Variants in PPM1H observed in about 807,000 individuals in gnomAD.
PPM1H encodes protein phosphatase, Mg2+/Mn2+ dependent 1H, also known as protein phosphatase 1H.
PPM1H carries 27 observed loss-of-function variants against 54.9 expected under a neutral mutation model. The ratio of observed to expected loss-of-function variants is 0.49; its 90% CI spans 0.36 to 0.68. The LOEUF (loss-of-function observed/expected upper bound fraction) is 0.68, where lower values mean the gene tolerates loss of function less well. Among genes scored for constraint, PPM1H ranks in the 30% least tolerant of loss-of-function variants. The pLI is 0.00. For synonymous variants in PPM1H, 305 were observed against 270.8 expected (o/e 1.13, Z -1.24); for missense variants, 596 against 667.8 (o/e 0.89, Z 1.19).
intron 1 of PPM1H, among the ~76,000 whole-genome samples, chr12:62,860,844 G>A (rs575713697): frequency 2.6e-5 from 4 of 152,292 alleles, no homozygotes; most frequent in African/African-American, 9.6e-5. Flanking sequence ...GAAACAATGG[G>A]GTTGTTGGAT....
At chr12:62,758,811 G>C (rs2120602235) in intron 4 of PPM1H, among the ~76,000 whole-genome samples, 1 of 152,280 alleles carries the variant, frequency 6.6e-6, no homozygotes, top group Admixed American at 6.5e-5. Context: ...CATATTCCCT[G>C]TGACCTGCAC....
chr12:62,792,253 G>GA (rs957761101), intron 3 of PPM1H, among the ~76,000 whole-genome samples: 1 of 152,120 alleles, frequency 6.6e-6, no homozygotes, highest in African/African-American at 2.4e-5. Flanking sequence ...AACTTTGGGG[G>GA]AAACATTCCA....
rs1555200469 is a variant in PPM1H, at chr12:62,839,884, A to AAAAAAAAAAAAAAC, written c.246-7606_246-7605insGTTTTTTTTTTTTT. Among the ~76,000 whole-genome samples, 620 of 150,178 alleles carry AAAAAAAAAAAAAAC rather than the reference A, an allele frequency of 4.1e-3. 5 individuals carry two copies. Among genetic ancestry groups the AAAAAAAAAAAAAAC allele is most frequent in the African/African-American group, 0.014 (580 of 40,064 alleles). ...GTGATCCTGTTTCTACAAAAAAAAA[A>AAAAAAAAAAAAAAC]AAAAAACACCCAGTGTGGTGGCACG... On this transcript the variant is annotated intron_variant, in intron 1 of 9. Transcript: ENST00000228705.
chr12:62,934,467 GCGC>G lies in PPM1H; in HGVS notation c.245+22_245+24del, dbSNP rs1044538757. 3 of 1,522,090 alleles carry G rather than the reference GCGC, an allele frequency of 2.0e-6. No homozygotes were observed. In the Admixed American group the frequency reaches 6.1e-5, roughly 31 times the overall value. 94.3% of individuals were successfully genotyped at this position (1,522,090 alleles called of 1,614,324 possible). Reference sequence around the variant, plus strand: ...GGGAAGGGCCGCGAGGAGAGCAGGGGCGCCGCCGGTGTCGCTGCACTCACTCTG... The same window carrying G: ...GGGAAGGGCCGCGAGGAGAGCAGGGGCGCCGGTGTCGCTGCACTCACTCTG... On this transcript the variant is annotated intron_variant, in intron 1 of 9. Coordinates refer to ENST00000228705, the MANE Select transcript of PPM1H (RefSeq NM_020700.2). The surrounding 1 kb of genome is among the most constrained non-coding windows in gnomAD (Gnocchi z 4.2).
intron 6 of PPM1H, among the ~76,000 whole-genome samples, chr12:62,716,562 T>G (rs1247376424): frequency 6.6e-6 from 1 of 152,184 alleles, no homozygotes; most frequent in Non-Finnish European, 1.5e-5. Flanking sequence ...TTCAGAAGAA[T>G]GGGTTCCAGG....
intron 3 of PPM1H, 129 bp from the exon 4 acceptor site, chr12:62,788,467 C>A: frequency 1.6e-6 from 1 of 609,224 alleles, no homozygotes. Flanking sequence ...ATCTTTAGTG[C>A]TTGCTTTCCT....
rs1278669824 is a variant in PPM1H, at chr12:62,844,828, C to T, written c.246-12549G>A. ...GAATAATGACGGTGTTCTAAGCCTGCCTATATATTTCTTAAAGCTTACAAT... is the reference window on the plus strand; with the variant it reads ...GAATAATGACGGTGTTCTAAGCCTGTCTATATATTTCTTAAAGCTTACAAT... On this transcript the variant is annotated intron_variant, in intron 1 of 9. Coordinates refer to ENST00000228705, the MANE Select transcript of PPM1H (RefSeq NM_020700.2). The surrounding 1 kb of genome is among the most constrained non-coding windows in gnomAD (Gnocchi z 5.2). Among the ~76,000 whole-genome samples, 1 of 152,298 alleles carries T rather than the reference C, an allele frequency of 6.6e-6. No individual in the cohort carries two copies. The highest frequency in any genetic ancestry group is 1.5e-5 in the Non-Finnish European group (1 of 68,024).
chr12:62,816,377 C>CA (rs1419617545), intron 2 of PPM1H, among the ~76,000 whole-genome samples: 2 of 152,212 alleles, frequency 1.3e-5, no homozygotes, highest in Non-Finnish European at 1.5e-5. Context: ...CGTGACATCA[C>CA]AAGTGGAGAA....
At chr12:62,860,954 C>T (rs192594665) in intron 1 of PPM1H, among the ~76,000 whole-genome samples, 69 of 152,286 alleles carry the variant, frequency 4.5e-4, no homozygotes, top group African/African-American at 1.6e-3. Flanking sequence ...GCATCATCTT[C>T]CTTAACACTC....
At chr12:62,724,197 G>A (rs2076277736) in intron 5 of PPM1H, among the ~76,000 whole-genome samples, 1 of 152,110 alleles carries the variant, frequency 6.6e-6, no homozygotes, top group Admixed American at 6.5e-5. Context: ...CTGTTTCCTT[G>A]GGGCTTTCTG....
chr12:62,693,857 A>ACGGACTG (rs1383693123), intron 7 of PPM1H, 79 bp downstream of exon 7: 1 of 1,294,590 alleles, frequency 7.7e-7, no homozygotes, highest in Non-Finnish European at 1.1e-6. Flanking sequence ...AGTGGAACAC[A>ACGGACTG]CGGACTGCCA....
At chr12:62,923,593 G>T (rs574412527) in intron 1 of PPM1H, among the ~76,000 whole-genome samples, 3 of 152,254 alleles carry the variant, frequency 2.0e-5, no homozygotes, top group African/African-American at 7.2e-5. Flanking sequence ...GTAGTGACGA[G>T]GTTTCACCAC....
At chr12:62,872,988 C>A (rs1205595914) in intron 1 of PPM1H, among the ~76,000 whole-genome samples, 1 of 152,148 alleles carries the variant, frequency 6.6e-6, no homozygotes, top group Non-Finnish European at 1.5e-5. Context: ...CCATAACAAC[C>A]CTTTAAGACT....
At chr12:62,738,993 G>T (rs1233619033) in intron 4 of PPM1H, among the ~76,000 whole-genome samples, 1 of 151,824 alleles carries the variant, frequency 6.6e-6, no homozygotes, top group Admixed American at 6.6e-5. Flanking sequence ...GTCGGGGCGG[G>T]GGCGGCGGAG....
At chr12:62,774,298 G>C (rs2076596708) in intron 4 of PPM1H, among the ~76,000 whole-genome samples, 1 of 152,108 alleles carries the variant, frequency 6.6e-6, no homozygotes, top group South Asian at 2.1e-4. Context: ...TTTTTCCATT[G>C]CTGTCTCAAT....
chr12:62,867,573 T>TC (rs1388201100), intron 1 of PPM1H, among the ~76,000 whole-genome samples: 1 of 103,912 alleles, frequency 9.6e-6, no homozygotes, highest in Non-Finnish European at 1.9e-5. Context: ...TATTTTTTTT[T>TC]TTTTTTTTTT....
chr12:62,702,554 G>C (rs1475317664), intron 6 of PPM1H, among the ~76,000 whole-genome samples: 1 of 151,406 alleles, frequency 6.6e-6, no homozygotes, highest in East Asian at 1.9e-4. Context: ...CAGAGAGAGA[G>C]AGAGAGAGAG....
chr12:62,707,053 GTTTT>G (rs1270310773), intron 6 of PPM1H, among the ~76,000 whole-genome samples: 1 of 152,176 alleles, frequency 6.6e-6, no homozygotes, highest in Non-Finnish European at 1.5e-5. Flanking sequence ...TAGGTGCCCA[GTTTT>G]CTATAGGGTG....
intron 1 of PPM1H, among the ~76,000 whole-genome samples, chr12:62,850,476 A>ATAC (rs1176153185): frequency 6.6e-6 from 1 of 151,884 alleles, no homozygotes; most frequent in Non-Finnish European, 1.5e-5. Flanking sequence ...TAATCTAACA[A>ATAC]TACAAATTAG....
Sources: gnomAD v4.1 joint callset for allele counts (sites outside exome capture counted in the v4.1 genomes callset) on GRCh38, gnomAD v4.1.1 for gene constraint, Gnocchi (gnomAD v3.1) non-coding constraint, MANE v1.5 for transcripts, NCBI Gene and HGNC (gene_info 2026-07-23, HGNC 2026-07-21) for gene names.